The following RYR3 variants were observed in gnomAD, a reference collection of about 807,000 sequenced individuals.
RYR3 encodes the protein brain ryanodine receptor-calcium release channel.
A neutral mutation model predicts 584.3 loss-of-function variants in RYR3; 207 were observed. The observed-to-expected ratio is 0.35, with a 90% CI of 0.32 to 0.40. The LOEUF (loss-of-function observed/expected upper bound fraction) is 0.40. Ranked by LOEUF, RYR3 falls within the 10% of genes least tolerant of loss-of-function variation. The pLI, the probability that RYR3 is intolerant of heterozygous loss-of-function variation, is 1.00. For missense variants in RYR3, 5,616 were observed against 6,089.2 expected (o/e 0.92, Z 2.59); for synonymous variants, 2,416 against 2,248.5 (o/e 1.07, Z -2.11).
intron 2 of RYR3, among the ~76,000 whole-genome samples, chr15:33,477,658 G>A (rs1215445906): frequency 1.3e-5 from 2 of 150,468 alleles, no homozygotes; most frequent in Non-Finnish European, 2.9e-5. Flanking sequence ...GGCGGATCAC[G>A]AGGTCAGGAG....
intron 15 of RYR3, 108 bp from the exon 16 acceptor site, chr15:33,585,890 C>T (rs537732648): frequency 3.5e-5 from 23 of 650,142 alleles, no homozygotes; most frequent in African/African-American, 7.3e-5. Flanking sequence ...AAAGAATTGA[C>T]GATATCCTGT....
intron 68 of RYR3, 125 bp from the exon 69 acceptor site, chr15:33,801,744 C>A: frequency 1.6e-6 from 1 of 615,472 alleles, no homozygotes; most frequent in Non-Finnish European, 2.9e-6. Context: ...TAGTTTTTCA[C>A]GTGTCTTTGG....
At chr15:33,700,181 C>A (rs1487616021) in intron 41 of RYR3, among the ~76,000 whole-genome samples, 1 of 152,202 alleles carries the variant, frequency 6.6e-6, no homozygotes, top group Non-Finnish European at 1.5e-5. Context: ...ACTCAACTGA[C>A]CAGGGAGCAG....
intron 2 of RYR3, among the ~76,000 whole-genome samples, chr15:33,475,463 C>T (rs2049294677): frequency 2.0e-5 from 3 of 152,196 alleles, no homozygotes. Flanking sequence ...CTAGATCCCT[C>T]ACGTGCACAG....
Position 33,838,129 on chromosome 15 carries a change from A to G in RYR3, c.12149A>G (p.Glu4050Gly). 6.2e-7 allele frequency: 1 copy of G among 1,613,992 alleles called. No homozygotes were observed. Among genetic ancestry groups the G allele is most frequent in the Non-Finnish European group, 8.5e-7 (1 of 1,179,890 alleles). The change falls in exon 89 of 104, where the codon GAA becomes GGA. Residue 4050 changes from glutamate to glycine, a missense_variant. Glu to Gly is a moderately conservative substitution (Grantham distance 98). Coordinates refer to ENST00000634891, the MANE Select transcript of RYR3 (RefSeq NM_001036.6). ...GAGCGTGTTTATTTTGAGATCAGTG[A>G]ATCCAGTCGCACTCAGTGGGAGAAG... ...KIERVYFEIS[E>G]SSRTQWEKPQ...
intron 90 of RYR3, 35 bp from the exon 91 acceptor site, chr15:33,841,829 G>A (rs758385777): frequency 1.3e-5 from 20 of 1,567,288 alleles, no homozygotes; most frequent in Middle Eastern, 1.7e-4. Flanking sequence ...CCGCCCTCCC[G>A]TCTGCCCTGC....
At chr15:33,845,131 A>G in intron 93 of RYR3, 69 bp downstream of exon 93, 3 of 1,530,006 alleles carry the variant, frequency 2.0e-6, no homozygotes, top group Non-Finnish European at 2.7e-6. Flanking sequence ...GAGCCCAGCC[A>G]GCCCTTTGCT....
At chr15:33,765,857 ACAT>A (rs1160401874) in intron 60 of RYR3, among the ~76,000 whole-genome samples, 2 of 152,170 alleles carry the variant, frequency 1.3e-5, no homozygotes, top group African/African-American at 2.4e-5. Context: ...TCTCTGTGAA[ACAT>A]CATGATGTTT....
At chr15:33,808,096 T>C (rs561832928) in intron 70 of RYR3, among the ~76,000 whole-genome samples, 1 of 152,318 alleles carries the variant, frequency 6.6e-6, no homozygotes, top group South Asian at 2.1e-4. Flanking sequence ...TTAATTAATG[T>C]GTGTCGGCTG....
Position 33,683,057 on chromosome 15 carries a change from C to T in RYR3, c.5860+12501C>T, listed in dbSNP as rs151010564. Among the ~76,000 whole-genome samples, 1,115 of 151,670 alleles carry T rather than the reference C, an allele frequency of 7.4e-3. 16 individuals carry two copies. Among genetic ancestry groups the T allele is most frequent in the African/African-American group, 0.025 (1,039 of 41,306 alleles). On this transcript the variant is annotated intron_variant, in intron 38 of 103. Transcript: ENST00000634891. ...TTGCCCAGGCTGGAGTGCAGTGGCG[C>T]GATCTTGGCTCACTGCAAGCTCCGC...
Position 33,503,682 on chromosome 15 carries a change from T to A in RYR3, c.223T>A (p.Ser75Thr). Reference protein sequence around the residue: ...VCNFVLEQSLSVRALQEMLAN... With the variant: ...VCNFVLEQSLTVRALQEMLAN... Reference sequence around the variant, plus strand: ...CAATTTTGTGCTGGAACAGTCCCTATCTGTCAGAGCCCTGCAGGAAATGCT... The same window carrying A: ...CAATTTTGTGCTGGAACAGTCCCTAACTGTCAGAGCCCTGCAGGAAATGCT... Residue 75 changes from serine (S) to threonine (T), a missense_variant, in exon 3 of 104, where the codon TCT becomes ACT. Coordinates refer to ENST00000634891, the MANE Select transcript of RYR3 (RefSeq NM_001036.6). The A allele has an allele frequency of 6.2e-7, 1 of 1,613,352 alleles. No individual in the cohort carries two copies. Among genetic ancestry groups the A allele is most frequent in the East Asian group, 2.2e-5 (1 of 44,872 alleles).
chr15:33,466,790 T>TA (rs1455961370), intron 1 of RYR3, among the ~76,000 whole-genome samples: 1 of 152,230 alleles, frequency 6.6e-6, no homozygotes, highest in Non-Finnish European at 1.5e-5. Context: ...TTTCAGAACA[T>TA]ACGATTCTTT....
chr15:33,590,594 T>A (rs908508151), intron 16 of RYR3, among the ~76,000 whole-genome samples: 7 of 151,764 alleles, frequency 4.6e-5, no homozygotes, highest in African/African-American at 1.7e-4. Context: ...TGTTTCGTAA[T>A]TTTTTTTAGA....
intron 1 of RYR3, among the ~76,000 whole-genome samples, chr15:33,353,806 G>A (rs190387115): frequency 2.0e-5 from 3 of 152,150 alleles, no homozygotes; most frequent in Admixed American, 6.5e-5. Flanking sequence ...GGCAGATATT[G>A]CAGAAGAAGG....
intron 1 of RYR3, among the ~76,000 whole-genome samples, chr15:33,358,554 G>T (rs1201776619): frequency 6.6e-6 from 1 of 151,562 alleles, no homozygotes; most frequent in African/African-American, 2.4e-5. Flanking sequence ...CCATGAGTCA[G>T]CCCAGGACTG....
chr15:33,706,254 T>C (rs919327374), intron 42 of RYR3, among the ~76,000 whole-genome samples: 2 of 152,238 alleles, frequency 1.3e-5, no homozygotes, highest in Non-Finnish European at 2.9e-5. Flanking sequence ...TTTACTATCT[T>C]GATCATTTTT....
rs572306117 is a variant in RYR3, at chr15:33,323,081, G to A, written c.51+11985G>A. 8.8e-4 allele frequency among the ~76,000 whole-genome samples: 134 copies of A among 151,518 alleles called. 1 individual carries two copies. The highest frequency in any genetic ancestry group is 2.9e-3 in the African/African-American group (120 of 41,448). On this transcript the variant is annotated intron_variant, in intron 1 of 103. Transcript: ENST00000634891. ...TTGTACCAGGCATATTTTCTCTTCC[G>A]TGCTATAATATATGATATGATATTT...
At chr15:33,421,263 A>G (rs1274582030) in intron 1 of RYR3, among the ~76,000 whole-genome samples, 1 of 152,200 alleles carries the variant, frequency 6.6e-6, no homozygotes, top group African/African-American at 2.4e-5. Flanking sequence ...GGTATTTAGA[A>G]GGACCTCATG....
Position 33,841,782 on chromosome 15 carries a change from G to T in RYR3, c.13038-82G>T, listed in dbSNP as rs2078383061. ...TCTACCTCCCGGCCCTCTCAATCCAGATTTCTCTTTAATCTAGTCTCCCTT... is the reference window on the plus strand; with the variant it reads ...TCTACCTCCCGGCCCTCTCAATCCATATTTCTCTTTAATCTAGTCTCCCTT... On this transcript the variant is annotated intron_variant, in intron 90 of 103. Transcript: ENST00000634891. 3 of 1,416,670 alleles carry T rather than the reference G, an allele frequency of 2.1e-6. No individual in the cohort carries two copies. In the East Asian group the frequency reaches 7.5e-5, roughly 35 times the overall value. The allele number at this position is 1,416,670 out of a possible 1,614,324, so 87.8% of individuals were successfully genotyped here. A position where few individuals can be genotyped will look rare whatever the true frequency, so the allele number is the denominator to read the frequency against.
Sources: allele counts gnomAD v4.1 joint callset (sites outside exome capture counted in the v4.1 genomes callset), GRCh38; gene constraint gnomAD v4.1.1; transcripts MANE v1.5; gene names NCBI Gene and HGNC (gene_info 2026-07-23, HGNC 2026-07-21).